CACNA1H: variants seen among roughly 807,000 people sequenced by gnomAD.
CACNA1H encodes the protein voltage-dependent T-type calcium channel subunit alpha-1H.
Under a neutral mutation model 192.5 loss-of-function variants are expected in CACNA1H, and 149 were observed. That is an observed-to-expected ratio of 0.77 (90% CI 0.68 to 0.89). CACNA1H has a LOEUF of 0.89. Ranked by LOEUF, CACNA1H falls within the 40% of genes least tolerant of loss-of-function variation. The probability of loss-of-function intolerance (pLI) is 0.00; values close to 1 mark genes in which losing one functional copy is unlikely to be tolerated. For synonymous variants in CACNA1H, 2,202 were observed against 1,475.2 expected (o/e 1.49, Z -11.29); for missense variants, 4,257 against 3,423.5 (o/e 1.24, Z -6.08).
At chr16:1,196,212 A>G (rs1020750165) in intron 5 of CACNA1H, among the ~76,000 whole-genome samples, 189 bp downstream of exon 5, 14 of 152,260 alleles carry the variant, frequency 9.2e-5, no homozygotes, top group African/African-American at 3.1e-4. Context: ...ATGTCAGGGG[A>G]GAATCAAGCT....
intron 6 of CACNA1H, among the ~76,000 whole-genome samples, chr16:1,199,656 G>T (rs944789761): frequency 9.6e-5 from 14 of 146,378 alleles, no homozygotes; most frequent in Non-Finnish European, 2.0e-4. Context: ...TCACCCCGGG[G>T]TCCCCTCAAC....
chr16:1,206,411 A>G (rs1968717549), intron 12 of CACNA1H, 122 bp downstream of exon 12: 1 of 883,644 alleles, frequency 1.1e-6, no homozygotes, highest in Admixed American at 2.5e-5. Context: ...GAGCATCTGC[A>G]GACACTCGGC....
intron 2 of CACNA1H, among the ~76,000 whole-genome samples, chr16:1,188,478 C>G (rs879828700): frequency 2.0e-5 from 3 of 152,142 alleles, no homozygotes; most frequent in East Asian, 3.9e-4. Context: ...CCAAGAATCC[C>G]AGGTCTCCAG....
In CACNA1H at chr16:1,167,954, C is replaced by T. The variant is rs985291543; in HGVS notation, c.299+13918C>T. On this transcript the variant is annotated intron_variant, in intron 2 of 34. Coordinates refer to ENST00000348261, the MANE Select transcript of CACNA1H (RefSeq NM_021098.3). This position sits in a 1 kb window ranked among gnomAD's most constrained non-coding sequence, Gnocchi z 4.2. The stretch of plus-strand genomic sequence containing the variant: ...GGCCTCAGGAGCCAGGCCTGTTCCC[C>T]GGGGCTGCCTGGAGGCGGCCGCTTG... Among the ~76,000 whole-genome samples the T allele has an allele frequency of 5.3e-5, 8 of 152,224 alleles. No homozygotes were observed. Among genetic ancestry groups the T allele is most frequent in the South Asian group, 2.1e-4 (1 of 4,834 alleles).
chr16:1,169,316 T>C (rs1486572279), intron 2 of CACNA1H, among the ~76,000 whole-genome samples: 3 of 152,182 alleles, frequency 2.0e-5, no homozygotes, highest in Admixed American at 6.5e-5. Context: ...GGTGAAGGGC[T>C]GGCATCAGAT....
rs1287379368 is a variant in CACNA1H, at chr16:1,211,159, C to G, written c.4224-9C>G. ...AGATGACTGCAGTGTATCCTTCACT[C>G]CCCTCCAGGGTCATCAGCCGGGCCC... On this transcript the variant is annotated splice_polypyrimidine_tract_variant and intron_variant, in intron 21 of 34. Transcript: ENST00000348261. The G allele has an allele frequency of 1.9e-6, 3 of 1,612,092 alleles. No homozygotes were observed. The highest frequency in any genetic ancestry group is 1.7e-4 in the Middle Eastern group (1 of 6,056).
rs1183322366 is a variant in CACNA1H, at chr16:1,213,839, C to A, written c.4837C>A (p.Leu1613Met). 1 of 1,600,048 alleles carries A rather than the reference C, an allele frequency of 6.2e-7. No homozygotes were observed. Among genetic ancestry groups the A allele is most frequent in the Non-Finnish European group, 8.5e-7 (1 of 1,174,312 alleles). Residue 1613 changes from leucine (L) to methionine (M), a missense_variant, in exon 27 of 35, where the codon CTG becomes ATG. Physicochemically the swap from Leu to Met is conservative, Grantham distance 15. Transcript: ENST00000348261. ...YSPTRRSIHS[L>M]CTSHYLDLFI... Reference sequence around the variant, plus strand: ...GCCCACGCGCCGCTCCATTCACTCGCTGTGCACCAGCCACTATCTCGACCT... The same window carrying A: ...GCCCACGCGCCGCTCCATTCACTCGATGTGCACCAGCCACTATCTCGACCT...
chr16:1,208,892 C>T (rs1969082656), intron 16 of CACNA1H, 140 bp from the exon 17 acceptor site: 3 of 928,836 alleles, frequency 3.2e-6, no homozygotes, highest in South Asian at 2.5e-5. Flanking sequence ...CCCCTAAAAT[C>T]ACAGCCTCCA....
intron 5 of CACNA1H, among the ~76,000 whole-genome samples, chr16:1,196,661 G>A (rs1967014064): frequency 6.6e-6 from 1 of 152,218 alleles, no homozygotes; most frequent in Admixed American, 6.5e-5. Flanking sequence ...GATTTGGCCA[G>A]CAGGTGTGAG....
chr16:1,195,907 C>T lies in CACNA1H; in HGVS notation c.546-19C>T, dbSNP rs750325482. On this transcript the variant is annotated intron_variant, in intron 4 of 34. Coordinates refer to ENST00000348261, the MANE Select transcript of CACNA1H (RefSeq NM_021098.3). ...CCTGGGCTCCTTGTTGAGCTGCTCC[C>T]CCTCGGCCCCGCCCCCAGCATGATG... 6 of 1,600,858 alleles carry T rather than the reference C, an allele frequency of 3.7e-6. No homozygotes were observed. The highest frequency in any genetic ancestry group is 2.2e-5 in the East Asian group (1 of 44,800).
intron 2 of CACNA1H, among the ~76,000 whole-genome samples, chr16:1,185,839 GC>G (rs11304869): frequency 0.071 from 14 of 198 alleles, 7 homozygotes; most frequent in African/African-American, 0.26. Context: ...CGGAGGCGGG[GC>G]TGTGTACGGG....
At chr16:1,199,633 C>T (rs915567899) in intron 6 of CACNA1H, among the ~76,000 whole-genome samples, 1 of 150,726 alleles carries the variant, frequency 6.6e-6, no homozygotes, top group Non-Finnish European at 1.5e-5. Flanking sequence ...GCTCTGCAGT[C>T]TCTCCTCAGC....
chr16:1,154,897 T>C (rs1246460546), intron 2 of CACNA1H, among the ~76,000 whole-genome samples: 1 of 152,070 alleles, frequency 6.6e-6, no homozygotes, highest in Non-Finnish European at 1.5e-5. Flanking sequence ...AGAAGGGCCT[T>C]GCGTGGTGCC....
intron 6 of CACNA1H, among the ~76,000 whole-genome samples, chr16:1,200,055 G>A (rs1394853886): frequency 6.6e-6 from 1 of 152,100 alleles, no homozygotes; most frequent in Non-Finnish European, 1.5e-5. Flanking sequence ...TCCTGGCTGT[G>A]TCCCCTGATC....
chr16:1,212,493 A>G lies in CACNA1H; in HGVS notation c.4760-18A>G, dbSNP rs764828771. On this transcript the variant is annotated intron_variant, in intron 25 of 34. Transcript: ENST00000348261. Reference sequence around the variant, plus strand: ...GCGCCACGCCCTCGGCCCTCAGACCATCTCCTTGTCTTTCCAGGCACTTTC... The same window carrying G: ...GCGCCACGCCCTCGGCCCTCAGACCGTCTCCTTGTCTTTCCAGGCACTTTC... The G allele has an allele frequency of 6.8e-6, 11 of 1,609,996 alleles. No homozygotes were observed. In the South Asian group the frequency reaches 1.1e-4, roughly 16 times the overall value.
rs746209052 is a variant in CACNA1H, at chr16:1,204,293, G to C, written c.2286G>C (p.Arg762=). Residue 762 remains arginine, a synonymous_variant, in exon 10 of 35, where the codon CGG becomes CGC. Transcript: ENST00000348261. Reference sequence around the variant, plus strand: ...CAGGCCCAGGCAGCCCCCAGCGGCGGGCACAGCAGAGGGCAGCCCCGGGCG... The same window carrying C: ...CAGGCCCAGGCAGCCCCCAGCGGCGCGCACAGCAGAGGGCAGCCCCGGGCG... ...PGPGPGSPQR[R]AQQRAAPGEP... The C allele has an allele frequency of 2.3e-5, 37 of 1,604,610 alleles. No homozygotes were observed. Among genetic ancestry groups the C allele is most frequent in the Non-Finnish European group, 2.7e-5 (32 of 1,175,770 alleles).
chr16:1,185,011 A>G (rs969074292), intron 2 of CACNA1H, among the ~76,000 whole-genome samples: 2 of 152,192 alleles, frequency 1.3e-5, no homozygotes, highest in African/African-American at 2.4e-5. Flanking sequence ...CCCTCACTCC[A>G]GAAGGAAACC....
intron 26 of CACNA1H, among the ~76,000 whole-genome samples, chr16:1,213,194 G>A (rs1027101902): frequency 6.6e-6 from 1 of 152,216 alleles, no homozygotes; most frequent in African/African-American, 2.4e-5. Flanking sequence ...GGGGAGGGGA[G>A]GTACTTGGGC....
intron 21 of CACNA1H, 70 bp from the exon 22 acceptor site, chr16:1,211,098 T>G: frequency 6.3e-7 from 1 of 1,585,226 alleles, no homozygotes; most frequent in Non-Finnish European, 8.6e-7. Flanking sequence ...TTGGGACCTT[T>G]GCTGAGCTCT....
Sources: allele counts gnomAD v4.1 joint callset (sites outside exome capture counted in the v4.1 genomes callset), GRCh38; gene constraint gnomAD v4.1.1; non-coding constraint Gnocchi (gnomAD v3.1); transcripts MANE v1.5; gene names NCBI Gene and HGNC (gene_info 2026-07-23, HGNC 2026-07-21).